Variants in PCDHA11 observed in about 807,000 individuals in gnomAD.
The protein encoded by PCDHA11 is protocadherin alpha-11.
PCDHA11 carries 61 observed loss-of-function variants against 70.3 expected under a neutral mutation model. The ratio of observed to expected loss-of-function variants is 0.87; its 90% CI spans 0.71 to 1.07. PCDHA11 has a LOEUF of 1.07. Ranked by LOEUF, PCDHA11 falls within the 50% of genes least tolerant of loss-of-function variation. PCDHA11 has a pLI of 0.00. For synonymous variants in PCDHA11, 633 were observed against 555.1 expected (o/e 1.14, Z -1.97); for missense variants, 1,324 against 1,237.5 (o/e 1.07, Z -1.05).
At chr5:140,911,952 G>A (rs2075698662) in intron 1 of PCDHA11, among the ~76,000 whole-genome samples, 1 of 152,170 alleles carries the variant, frequency 6.6e-6, no homozygotes, top group South Asian at 2.1e-4. Context: ...ATAAAGGGGA[G>A]GTTACTAAGG....
chr5:140,927,530 G>A (rs2084329100), intron 1 of PCDHA11: 2 of 1,614,080 alleles, frequency 1.2e-6, no homozygotes, highest in Non-Finnish European at 1.7e-6. Flanking sequence ...CTACCTGCCC[G>A]CTCAGGAGAC....
intron 1 of PCDHA11, among the ~76,000 whole-genome samples, chr5:140,885,350 G>C (rs1050079674): frequency 6.6e-6 from 1 of 152,108 alleles, no homozygotes; most frequent in African/African-American, 2.4e-5. Context: ...ATTTCCAAAA[G>C]GTACTGGTGA....
At chr5:140,998,533 T>C (rs1362807124) in intron 3 of PCDHA11, among the ~76,000 whole-genome samples, 1 of 152,020 alleles carries the variant, frequency 6.6e-6, no homozygotes, top group Non-Finnish European at 1.5e-5. Flanking sequence ...TTTATATCCC[T>C]AATTCCTAAT....
At chr5:140,880,241 C>A (rs529552139) in intron 1 of PCDHA11, among the ~76,000 whole-genome samples, 1 of 150,190 alleles carries the variant, frequency 6.7e-6, no homozygotes, top group African/African-American at 2.5e-5. Flanking sequence ...AGTGTATGTG[C>A]GTGTGTGTAT....
At chr5:140,935,234 T>C (rs1160112983) in intron 1 of PCDHA11, among the ~76,000 whole-genome samples, 8 of 152,190 alleles carry the variant, frequency 5.3e-5, no homozygotes, top group Non-Finnish European at 1.2e-4. Context: ...GGATGTCTAT[T>C]TTTTAAAAGA....
In PCDHA11 at chr5:140,869,957, A is replaced by G. The variant is rs782483772; in HGVS notation, c.854A>G (p.Lys285Arg). The stretch of plus-strand genomic sequence containing the variant: ...GTAACATACTCCTTAATGTCAATTA[A>G]GCCCAATGGAAGACACTTATTTACA... ...GEVTYSLMSI[K>R]PNGRHLFTLD... is the part of the protein sequence containing the mutation. Residue 285 changes from lysine (K) to arginine (R), a missense_variant, in exon 1 of 4, where the codon AAG becomes AGG. Transcript: ENST00000398640. 4 of 1,613,040 alleles carry G rather than the reference A, an allele frequency of 2.5e-6. No homozygotes were observed. The South Asian group carries it at 4.4e-5, about 18-fold the overall frequency.
At chr5:140,928,536 GA>G (rs782686789) in intron 1 of PCDHA11, 1 of 1,614,228 alleles carries the variant, frequency 6.2e-7, no homozygotes, top group Non-Finnish European at 8.5e-7. Context: ...TGGTAGATAG[GA>G]ATGACAATTA....
In PCDHA11 at chr5:140,869,509, A is replaced by T. The variant is rs199564677; in HGVS notation, c.406A>T (p.Arg136Ter). 5 of 1,614,206 alleles carry T rather than the reference A, an allele frequency of 3.1e-6. No homozygotes were observed. The highest frequency in any genetic ancestry group is 3.4e-6 in the Non-Finnish European group (4 of 1,180,036). ...INDNPPVFSL[R>*]EQKLLIAESK... ...CGACAACCCGCCGGTGTTCTCGCTC[A>T]GAGAACAAAAGCTGCTGATTGCGGA... Residue 136 changes from arginine to a stop codon, truncating the protein, a stop_gained, in exon 1 of 4, where the codon AGA (arginine) becomes TGA (stop). Transcript: ENST00000398640. LOFTEE classifies it high-confidence loss of function.
intron 3 of PCDHA11, among the ~76,000 whole-genome samples, chr5:140,997,372 A>G (rs2097768557): frequency 6.6e-6 from 1 of 152,208 alleles, no homozygotes; most frequent in Non-Finnish European, 1.5e-5. Context: ...CCTAGATGAT[A>G]TAGCATACTA....
At chr5:140,877,374 A>T in intron 1 of PCDHA11, 1 of 1,613,970 alleles carries the variant, frequency 6.2e-7, no homozygotes, top group African/African-American at 1.3e-5. Flanking sequence ...TCAGCACGAC[A>T]CGCATCCTGG....
At chr5:140,977,784 A>G (rs1284023783) in intron 1 of PCDHA11, among the ~76,000 whole-genome samples, 1 of 152,366 alleles carries the variant, frequency 6.6e-6, no homozygotes, top group East Asian at 1.9e-4. Context: ...TAAAGGAACT[A>G]TATGAATGAT....
At chr5:140,962,803 T>C (rs2095709614) in intron 1 of PCDHA11, among the ~76,000 whole-genome samples, 1 of 152,240 alleles carries the variant, frequency 6.6e-6, no homozygotes. Context: ...TGGACAACTC[T>C]AAACATCAGA....
chr5:140,958,265 C>A (rs1010851166), intron 1 of PCDHA11, among the ~76,000 whole-genome samples: 1 of 151,680 alleles, frequency 6.6e-6, no homozygotes, highest in Admixed American at 6.6e-5. Flanking sequence ...TAATTTGGTA[C>A]AAGAAGTATA....
intron 1 of PCDHA11, among the ~76,000 whole-genome samples, chr5:140,909,596 T>C (rs2074597089): frequency 6.6e-6 from 1 of 152,222 alleles, no homozygotes; most frequent in South Asian, 2.1e-4. Context: ...TGATTTACTA[T>C]TTTTCTAGGT....
At chr5:140,875,026 C>T (rs2055229265) in intron 1 of PCDHA11, among the ~76,000 whole-genome samples, 1 of 152,142 alleles carries the variant, frequency 6.6e-6, no homozygotes, top group South Asian at 2.1e-4. Flanking sequence ...TTCTGGCCTA[C>T]TGTATTTGAA....
chr5:140,971,943 A>T (rs2096507947), intron 1 of PCDHA11, among the ~76,000 whole-genome samples: 1 of 152,186 alleles, frequency 6.6e-6, no homozygotes, highest in Non-Finnish European at 1.5e-5. Flanking sequence ...AGTTGTATCC[A>T]TCTGACTCCA....
rs1554169291 is a variant in PCDHA11 at position 140,877,075 on chromosome 5, G to A, written c.2391+5581G>A. On this transcript the variant is annotated intron_variant, in intron 1 of 3. Transcript: ENST00000398640. ...GGAGCTGGAGCTGCTGCAGTTCCAGGTGAGCGCGCGCGACGCCGGCGTGCC... is the reference window on the plus strand; with the variant it reads ...GGAGCTGGAGCTGCTGCAGTTCCAGATGAGCGCGCGCGACGCCGGCGTGCC... 6.2e-7 allele frequency: 1 copy of A among 1,612,986 alleles called. No individual in the cohort carries two copies. The highest frequency in any genetic ancestry group is 1.1e-5 in the South Asian group (1 of 91,036).
intron 1 of PCDHA11, among the ~76,000 whole-genome samples, chr5:140,952,925 G>T (rs144855694): frequency 8.2e-4 from 125 of 152,200 alleles, no homozygotes; most frequent in African/African-American, 2.8e-3. Flanking sequence ...GGCATGAGCA[G>T]GAGCAGGAGC....
intron 1 of PCDHA11, among the ~76,000 whole-genome samples, chr5:140,952,160 G>C (rs952147312): frequency 6.6e-6 from 1 of 152,044 alleles, no homozygotes; most frequent in Non-Finnish European, 1.5e-5. Flanking sequence ...GGCTTTGTGG[G>C]GTTCAGTTCC....
Sources: gnomAD v4.1 joint callset for allele counts (sites outside exome capture counted in the v4.1 genomes callset) on GRCh38, gnomAD v4.1.1 for gene constraint, MANE v1.5 for transcripts, NCBI Gene and HGNC (gene_info 2026-07-23, HGNC 2026-07-21) for gene names.